NRXN3: variants seen among roughly 807,000 people sequenced by gnomAD.
NRXN3 encodes the protein neurexin 3, also known as neurexin III.
Under a neutral mutation model 137.6 loss-of-function variants are expected in NRXN3, and 32 were observed. The observed-to-expected ratio is 0.23, with a 90% CI of 0.18 to 0.31. The LOEUF (loss-of-function observed/expected upper bound fraction) is 0.31. Among genes scored for constraint, NRXN3 ranks in the 10% least tolerant of loss-of-function variants. The pLI, the probability that NRXN3 is intolerant of heterozygous loss-of-function variation, is 1.00. For synonymous variants in NRXN3, 798 were observed against 784.5 expected, an observed-to-expected ratio of 1.02 and a Z score of -0.29; for missense variants, 1,574 against 2,062.5, an observed-to-expected ratio of 0.76 and a Z score of 4.59.
At chr14:79,383,174 T>C (rs2094518000) in intron 15 of NRXN3, among the ~76,000 whole-genome samples, 2 of 152,158 alleles carry the variant, frequency 1.3e-5, no homozygotes, top group South Asian at 4.1e-4. Flanking sequence ...TGGACTAGGC[T>C]GAGTGGATGT....
intron 20 of NRXN3, among the ~76,000 whole-genome samples, chr14:79,807,094 G>C (rs906439819): frequency 6.8e-6 from 1 of 146,928 alleles, no homozygotes; most frequent in African/African-American, 2.5e-5. Flanking sequence ...CCTCCTGCCT[G>C]AGCTTCCCAA....
chr14:79,044,414 C>A (rs1251039823), intron 15 of NRXN3, among the ~76,000 whole-genome samples: 1 of 152,054 alleles, frequency 6.6e-6, no homozygotes, highest in Non-Finnish European at 1.5e-5. Context: ...AAAAGTTAGA[C>A]CTTTACAGTC....
chr14:78,225,976 T>TG (rs1567013099), intron 1 of NRXN3, among the ~76,000 whole-genome samples: 1,856 of 106,586 alleles, frequency 0.017, 17 homozygotes, highest in East Asian at 0.079. Context: ...TGTGTGTTGG[T>TG]GTGTGTGTGT....
chr14:79,285,699 G>A (rs2082118096), intron 15 of NRXN3, among the ~76,000 whole-genome samples: 1 of 152,054 alleles, frequency 6.6e-6, no homozygotes, highest in Admixed American at 6.5e-5. Context: ...TTGGATTAGG[G>A]TCCTCCCTAA....
intron 16 of NRXN3, among the ~76,000 whole-genome samples, chr14:79,625,094 G>A (rs1474756588): frequency 6.6e-6 from 1 of 151,996 alleles, no homozygotes. Context: ...CACTGCTCCT[G>A]GCCTCTACAG....
intron 15 of NRXN3, among the ~76,000 whole-genome samples, chr14:79,104,945 CATTGTATGGAATAA>C (rs1411240413): frequency 1.6e-4 from 24 of 151,794 alleles, no homozygotes; most frequent in Admixed American, 1.6e-3. Context: ...AACACTCATT[CATTGTATGGAATAA>C]TAATTCGGCA....
chr14:78,790,356 A>G (rs2098801557), intron 8 of NRXN3, among the ~76,000 whole-genome samples: 1 of 152,182 alleles, frequency 6.6e-6, no homozygotes, highest in African/African-American at 2.4e-5. Context: ...TGAGAAGCCA[A>G]TATGACCATA....
chr14:78,340,530 G>C (rs2082029436), intron 4 of NRXN3, among the ~76,000 whole-genome samples: 1 of 152,114 alleles, frequency 6.6e-6, no homozygotes, highest in African/African-American at 2.4e-5. Context: ...GTTTCATCAA[G>C]GTCTCTCTCA....
At chr14:79,661,723 C>T (rs1407561736) in intron 16 of NRXN3, 1 of 152,124 alleles carries the variant, frequency 6.6e-6, no homozygotes, top group African/African-American at 2.4e-5. Context: ...GGACTTTTCT[C>T]ACATTCTTCT....
intron 4 of NRXN3, among the ~76,000 whole-genome samples, chr14:78,633,511 T>C (rs886471416): frequency 1.3e-5 from 2 of 152,222 alleles, no homozygotes; most frequent in African/African-American, 4.8e-5. Context: ...TTCTTTCATT[T>C]AATTATTTCA....
intron 15 of NRXN3, among the ~76,000 whole-genome samples, chr14:78,995,689 T>C (rs567803373): frequency 3.3e-5 from 5 of 152,316 alleles, no homozygotes; most frequent in African/African-American, 1.2e-4. Context: ...ATATAATTAT[T>C]ATAAAGTTAA....
intron 4 of NRXN3, among the ~76,000 whole-genome samples, chr14:78,361,082 G>A (rs1435310025): frequency 6.6e-6 from 1 of 152,110 alleles, no homozygotes; most frequent in East Asian, 1.9e-4. Flanking sequence ...ATTTTAACAT[G>A]GCCAATAAGA....
chr14:79,501,898 G>T (rs1443246919), intron 16 of NRXN3, among the ~76,000 whole-genome samples: 2 of 151,990 alleles, frequency 1.3e-5, no homozygotes, highest in African/African-American at 4.8e-5. Context: ...TTATCTGATT[G>T]GGATATTGAA....
intron 15 of NRXN3, among the ~76,000 whole-genome samples, chr14:79,262,670 A>C (rs1288596895): frequency 1.3e-5 from 2 of 152,342 alleles, no homozygotes; most frequent in Non-Finnish European, 2.9e-5. Flanking sequence ...TTTATGTTTC[A>C]GGAATTTGGG....
chr14:79,594,697 A>AT, intron 16 of NRXN3, among the ~76,000 whole-genome samples: 1 of 141,742 alleles, frequency 7.1e-6, no homozygotes, highest in Non-Finnish European at 1.5e-5. Flanking sequence ...CTTCAAAAAA[A>AT]AATATATATA....
At chr14:78,973,666 A>C (rs991423184) in intron 14 of NRXN3, among the ~76,000 whole-genome samples, 2 of 152,178 alleles carry the variant, frequency 1.3e-5, no homozygotes, top group Non-Finnish European at 2.9e-5. Flanking sequence ...TTCATCCACT[A>C]TTCAAAGAGG....
At chr14:78,324,784 G>A (rs1477570466) in intron 4 of NRXN3, among the ~76,000 whole-genome samples, 2 of 152,022 alleles carry the variant, frequency 1.3e-5, no homozygotes, top group African/African-American at 4.8e-5. Context: ...AAGCTGGCCA[G>A]GGGGGAAGCC....
At chr14:78,767,394 A>G (rs907148904) in intron 8 of NRXN3, among the ~76,000 whole-genome samples, 3 of 152,178 alleles carry the variant, frequency 2.0e-5, no homozygotes, top group Non-Finnish European at 4.4e-5. Flanking sequence ...GCCCCATTGT[A>G]TTGGTTAAAA....
intron 15 of NRXN3, among the ~76,000 whole-genome samples, chr14:79,442,403 G>T (rs569060843): frequency 6.6e-6 from 1 of 152,236 alleles, no homozygotes; most frequent in South Asian, 2.1e-4. Flanking sequence ...TTCTACCAGG[G>T]CTCATAATAA....
Sources: allele counts gnomAD v4.1 joint callset (sites outside exome capture counted in the v4.1 genomes callset), GRCh38; gene constraint gnomAD v4.1.1; transcripts MANE v1.5; gene names NCBI Gene and HGNC (gene_info 2026-07-23, HGNC 2026-07-21).